The following BIRC6 variants were observed in gnomAD, a reference collection of about 807,000 sequenced individuals.
The protein encoded by BIRC6 is dual E2 ubiquitin-conjugating enzyme/E3 ubiquitin-protein ligase BIRC6.
Under a neutral mutation model 503.3 loss-of-function variants are expected in BIRC6, and 98 were observed. The ratio of observed to expected loss-of-function variants is 0.19; its 90% CI spans 0.17 to 0.23. The LOEUF (loss-of-function observed/expected upper bound fraction) is 0.23. Among genes scored for constraint, BIRC6 ranks in the 10% least tolerant of loss-of-function variants. The pLI, the probability that BIRC6 is intolerant of heterozygous loss-of-function variation, is 1.00. For synonymous variants in BIRC6, 2,240 were observed against 2,078.7 expected, an observed-to-expected ratio of 1.08 and a Z score of -2.11; for missense variants, 5,360 against 5,806.0, an observed-to-expected ratio of 0.92 and a Z score of 2.50.
chr2:32,479,032 AGAAAGGCTTTG>A (rs1427412385), intron 36 of BIRC6, among the ~76,000 whole-genome samples: 1 of 152,240 alleles, frequency 6.6e-6, no homozygotes, highest in East Asian at 1.9e-4. Flanking sequence ...GCAAGGCTTT[AGAAAGGCTTTG>A]GGTTGTTAAA....
chr2:32,450,671 A>G (rs767891220), intron 22 of BIRC6, among the ~76,000 whole-genome samples: 1 of 152,164 alleles, frequency 6.6e-6, no homozygotes, highest in South Asian at 2.1e-4. Context: ...CAGTGTATGC[A>G]GTTGTTCCTC....
Position 32,415,175 on chromosome 2 carries a change from G to C in BIRC6, c.1884G>C (p.Pro628=), listed in dbSNP as rs148244969. ...LNSPLVRRTL[P]VLLLYSIKES... ...CTCCTCTGGTAAGGAGGACTTTACC[G>C]GTTTTGCTTCTTTATAGCATCAAGG... The change falls in exon 10 of 74, where the codon CCG becomes CCC. Residue 628 remains proline (P), a synonymous_variant. Transcript: ENST00000421745. The C allele has an allele frequency of 1.2e-6, 2 of 1,613,928 alleles. No homozygotes were observed.
Position 32,429,182 on chromosome 2 carries a change from G to T in BIRC6, c.2909G>T (p.Cys970Phe), listed in dbSNP as rs763836246. The change falls in exon 11 of 74, where the codon TGT (cysteine) becomes TTT (phenylalanine). Residue 970 changes from cysteine (C) to phenylalanine (F), a missense_variant. Cys to Phe is a radical substitution (Grantham distance 205). Transcript: ENST00000421745. ...CATTTTCTCCAAATTGGAGGAACCT[G>T]TGATGATATTGATGAAGCTGATATA... ...ELHFLQIGGT[C>F]DDIDEADILV... 5.1e-5 allele frequency: 81 copies of T among 1,592,834 alleles called. 1 individual carries two copies. In the South Asian group the frequency reaches 8.6e-4, roughly 17 times the overall value.
At chr2:32,602,877 G>A (rs1266603546) in intron 70 of BIRC6, 129 bp from the exon 71 acceptor site, 2 of 666,848 alleles carry the variant, frequency 3.0e-6, no homozygotes, top group Non-Finnish European at 4.8e-6. Flanking sequence ...AACCCTTAGG[G>A]TTTTATCTAG....
In BIRC6 at chr2:32,508,276, C is replaced by CTTTTT. The variant is rs10528992; in HGVS notation, c.9980+40_9980+44dup. The CTTTTT allele has an allele frequency of 9.7e-3, 8,336 of 858,294 alleles. 148 individuals are homozygous for CTTTTT. The highest frequency in any genetic ancestry group is 0.011 in the Non-Finnish European group (7,268 of 689,330). 53.2% of individuals were successfully genotyped at this position (858,294 alleles called of 1,614,324 possible). On this transcript the variant is annotated intron_variant, in intron 51 of 73. Coordinates refer to ENST00000421745, the MANE Select transcript of BIRC6 (RefSeq NM_016252.4). The stretch of plus-strand genomic sequence containing the variant: ...CAAAACAAGGTATGTTTTGTTTGTC[C>CTTTTT]TTTTTTTTTTTTTTTTTTTTTTTTT...
chr2:32,470,382 C>T, intron 31 of BIRC6, 81 bp downstream of exon 31: 1 of 1,263,052 alleles, frequency 7.9e-7, no homozygotes, highest in Admixed American at 3.2e-5. Flanking sequence ...CTCTGAAATA[C>T]TTTAATAATT....
intron 45 of BIRC6, 147 bp from the exon 46 acceptor site, chr2:32,499,400 G>A: frequency 1.4e-6 from 1 of 695,738 alleles, no homozygotes; most frequent in Non-Finnish European, 2.3e-6. Flanking sequence ...TAATGAAATA[G>A]TGAATATCAA....
At position 32,611,343 on chromosome 2, in the gene BIRC6, T is replaced by C. The variant is rs909283052; in HGVS notation, c.14260-105T>C. ...TTAAATGTATTTATAGAATAAATTA[T>C]TTAAATGTATTTATAATACATTTTA... On this transcript the variant is annotated intron_variant, in intron 72 of 73. Coordinates refer to ENST00000421745, the MANE Select transcript of BIRC6 (RefSeq NM_016252.4). 8 of 657,526 alleles carry C rather than the reference T, an allele frequency of 1.2e-5. No individual in the cohort carries two copies. In the African/African-American group the frequency reaches 1.5e-4, roughly 13 times the overall value. The allele number at this position is 657,526 out of a possible 1,614,324, so 40.7% of individuals were successfully genotyped here.
chr2:32,617,664 C>G (rs1487803324), intron 73 of BIRC6, 61 bp from the exon 74 acceptor site: 5 of 1,502,776 alleles, frequency 3.3e-6, no homozygotes, highest in Non-Finnish European at 4.5e-6. Flanking sequence ...CAGTTCCTGC[C>G]TCAAATGATG....
chr2:32,593,344 A>G (rs1377987017), intron 66 of BIRC6, among the ~76,000 whole-genome samples: 2 of 152,198 alleles, frequency 1.3e-5, no homozygotes, highest in Non-Finnish European at 2.9e-5. Context: ...TGTGATAACA[A>G]TGTGAAATGA....
At chr2:32,541,991 C>A (rs1374725377) in intron 61 of BIRC6, among the ~76,000 whole-genome samples, 4 of 150,510 alleles carry the variant, frequency 2.7e-5, no homozygotes, top group Non-Finnish European at 5.9e-5. Context: ...ACTGGTAGTT[C>A]AGGATCATAT....
At chr2:32,504,273 T>C (rs1368680370) in intron 49 of BIRC6, among the ~76,000 whole-genome samples, 66 of 152,266 alleles carry the variant, frequency 4.3e-4, no homozygotes, top group Non-Finnish European at 8.8e-5. Context: ...ATAGTTTCTT[T>C]TAAATTTTTC....
At chr2:32,380,885 C>T (rs1281675762) in intron 3 of BIRC6, among the ~76,000 whole-genome samples, 2 of 152,158 alleles carry the variant, frequency 1.3e-5, no homozygotes, top group Admixed American at 6.5e-5. Flanking sequence ...ATGAAAGAAG[C>T]TTCCTTGTTA....
rs374940577 is a variant in BIRC6 at position 32,465,185 on chromosome 2, ATTTTTTT to A, written c.5356+34_5356+40del. On this transcript the variant is annotated intron_variant, in intron 26 of 73. Transcript: ENST00000421745. ...TTCAGGTAATCTTTTACTTTCTTAA[ATTTTTTT>A]TTTTTTTTTTTTGCTTAGTCTGCCG... 29 of 847,734 alleles carry A rather than the reference ATTTTTTT, an allele frequency of 3.4e-5. 1 individual carries two copies. Among genetic ancestry groups the A allele is most frequent in the South Asian group, 1.8e-4 (8 of 44,460 alleles). 52.5% of individuals were successfully genotyped at this position (847,734 alleles called of 1,614,324 possible).
At chr2:32,394,301 C>T (rs1161100304) in intron 5 of BIRC6, among the ~76,000 whole-genome samples, 1 of 151,734 alleles carries the variant, frequency 6.6e-6, no homozygotes, top group Admixed American at 6.6e-5. Context: ...AGTAAATTTG[C>T]ATCTATAACG....
Position 32,445,687 on chromosome 2 carries a change from T to G in BIRC6, c.4484+19T>G. 6.8e-7 allele frequency: 1 copy of G among 1,476,710 alleles called. No homozygotes were observed. The highest frequency in any genetic ancestry group is 9.0e-7 in the Non-Finnish European group (1 of 1,106,098). 91.5% of individuals were successfully genotyped at this position (1,476,710 alleles called of 1,614,324 possible). A position where few individuals can be genotyped will look rare whatever the true frequency, so the allele number is the denominator to read the frequency against. On this transcript the variant is annotated intron_variant, in intron 21 of 73. Coordinates refer to ENST00000421745, the MANE Select transcript of BIRC6 (RefSeq NM_016252.4). ...AGACAAGGTATTTTAGTATATCTAA[T>G]GACTAATAATAGGCGTCTCTGAGTA... is the stretch of plus-strand genomic sequence containing the variant.
At chr2:32,459,205 C>A (rs548588432) in intron 23 of BIRC6, among the ~76,000 whole-genome samples, 1 of 152,186 alleles carries the variant, frequency 6.6e-6, no homozygotes, top group Non-Finnish European at 1.5e-5. Context: ...CCCATTCCCC[C>A]CAAACCCTTC....
At chr2:32,500,516 C>T (rs1429013128) in intron 46 of BIRC6, among the ~76,000 whole-genome samples, 1 of 151,384 alleles carries the variant, frequency 6.6e-6, no homozygotes, top group Non-Finnish European at 1.5e-5. Flanking sequence ...CTCCCAGATT[C>T]GAGTGATACT....
chr2:32,538,203 A>G (rs1258601610), intron 61 of BIRC6, among the ~76,000 whole-genome samples: 3 of 152,160 alleles, frequency 2.0e-5, no homozygotes, highest in Non-Finnish European at 2.9e-5. Flanking sequence ...TGGCTGGAAA[A>G]TAGGAATTCA....
Sources: gnomAD v4.1 joint callset for allele counts (sites outside exome capture counted in the v4.1 genomes callset) on GRCh38, gnomAD v4.1.1 for gene constraint, MANE v1.5 for transcripts, NCBI Gene and HGNC (gene_info 2026-07-23, HGNC 2026-07-21) for gene names.